The following DYNC1LI2 variants were observed in gnomAD, a reference collection of about 807,000 sequenced individuals.
The protein encoded by DYNC1LI2 is cytoplasmic dynein 1 light intermediate chain 2.
Under a neutral mutation model 57.8 loss-of-function variants are expected in DYNC1LI2, and 19 were observed. The ratio of observed to expected loss-of-function variants is 0.33; its 90% CI spans 0.23 to 0.48. The LOEUF is 0.48. Among genes scored for constraint, DYNC1LI2 ranks in the 20% least tolerant of loss-of-function variants. The pLI, the probability that DYNC1LI2 is intolerant of heterozygous loss-of-function variation, is 0.99. For missense variants in DYNC1LI2, 470 were observed against 604.2 expected, an observed-to-expected ratio of 0.78 and a Z score of 2.33; for synonymous variants, 256 against 233.4, an observed-to-expected ratio of 1.10 and a Z score of -0.88.
intron 12 of DYNC1LI2, among the ~76,000 whole-genome samples, chr16:66,724,379 ATAC>A (rs2017500542): frequency 6.6e-6 from 1 of 152,186 alleles, no homozygotes; most frequent in Non-Finnish European, 1.5e-5. Context: ...CCAGAAGGGA[ATAC>A]TACCAGCCCA....
At chr16:66,736,291 A>T in intron 4 of DYNC1LI2, 47 bp from the exon 5 acceptor site, 1 of 1,597,882 alleles carries the variant, frequency 6.3e-7, no homozygotes, top group South Asian at 1.1e-5. Flanking sequence ...AAATAAAAAT[A>T]CATGTTAGCT....
chr16:66,743,959 T>C (rs2017889200), intron 3 of DYNC1LI2, among the ~76,000 whole-genome samples: 4 of 152,208 alleles, frequency 2.6e-5, no homozygotes, highest in Admixed American at 6.5e-5. Flanking sequence ...GCAGTATACA[T>C]AGATAAAATT....
Position 66,723,686 on chromosome 16 carries a change from A to G in DYNC1LI2, c.*36T>C. ...TCTTAGCAGATCAATATACATAGTT[A>G]TTTGGTCATTCGACATATGCACTTT... On this transcript the variant is annotated 3_prime_UTR_variant, in exon 13 of 13. Coordinates refer to ENST00000258198, the MANE Select transcript of DYNC1LI2 (RefSeq NM_006141.3). The G allele has an allele frequency of 6.4e-7, 1 of 1,574,512 alleles. No homozygotes were observed. The highest frequency in any genetic ancestry group is 8.6e-7 in the Non-Finnish European group (1 of 1,159,716).
Position 66,751,376 on chromosome 16 carries a change from C to G in DYNC1LI2, c.108-30G>C, listed in dbSNP as rs1304792627. On this transcript the variant is annotated intron_variant, in intron 1 of 12. Transcript: ENST00000258198. The surrounding 1 kb of genome is among the most constrained non-coding windows in gnomAD (Gnocchi z 5.2). Reference sequence around the variant, plus strand: ...GGCGACAATGGCAAGAGTGGTCAGCCCCGGGCCGGGCTGGGATGGCCCGGC... The same window carrying G: ...GGCGACAATGGCAAGAGTGGTCAGCGCCGGGCCGGGCTGGGATGGCCCGGC... The G allele has an allele frequency of 6.2e-7, 1 of 1,606,802 alleles. No individual in the cohort carries two copies. The highest frequency in any genetic ancestry group is 8.5e-7 in the Non-Finnish European group (1 of 1,177,294).
rs144314970 is a variant in DYNC1LI2, at chr16:66,749,888, A to G, written c.182-575T>C. Among the ~76,000 whole-genome samples, 58 of 152,350 alleles carry G rather than the reference A, an allele frequency of 3.8e-4. 1 individual carries two copies. The highest frequency in any genetic ancestry group is 3.7e-3 in the Admixed American group (57 of 15,300). ...CTCTTCAGTACAATCTCAGTTAATTATTAAGCACTTCTTCATCTCCCTCCA... is the reference window on the plus strand; with the variant it reads ...CTCTTCAGTACAATCTCAGTTAATTGTTAAGCACTTCTTCATCTCCCTCCA... On this transcript the variant is annotated intron_variant, in intron 2 of 12. Coordinates refer to ENST00000258198, the MANE Select transcript of DYNC1LI2 (RefSeq NM_006141.3).
intron 7 of DYNC1LI2, 100 bp from the exon 8 acceptor site, chr16:66,730,323 G>A: frequency 2.1e-6 from 2 of 968,434 alleles, no homozygotes; most frequent in Middle Eastern, 4.5e-4. Context: ...CTTCTCACAA[G>A]ATATAGTGTG....
intron 8 of DYNC1LI2, among the ~76,000 whole-genome samples, 177 bp downstream of exon 8, chr16:66,729,935 C>T (rs542599158): frequency 1.4e-4 from 22 of 152,224 alleles, no homozygotes; most frequent in African/African-American, 4.6e-4. Context: ...GCGCTTGCCA[C>T]CATACCCAGC....
At position 66,723,641 on chromosome 16, in the gene DYNC1LI2, C is replaced by T. The variant is rs1283342863; in HGVS notation, c.*81G>A. On this transcript the variant is annotated 3_prime_UTR_variant, in exon 13 of 13. Coordinates refer to ENST00000258198, the MANE Select transcript of DYNC1LI2 (RefSeq NM_006141.3). Reference sequence around the variant, plus strand: ...TGCCCCAAAAAACTGATAGCATGTGCCATATCAGAAAAATCCTGGTCTTAG... The same window carrying T: ...TGCCCCAAAAAACTGATAGCATGTGTCATATCAGAAAAATCCTGGTCTTAG... The T allele has an allele frequency of 1.6e-6, 2 of 1,260,596 alleles. No homozygotes were observed. The highest frequency in any genetic ancestry group is 2.2e-6 in the Non-Finnish European group (2 of 904,234). The allele number at this position is 1,260,596 out of a possible 1,614,324, so 78.1% of individuals were successfully genotyped here.
Position 66,742,469 on chromosome 16 carries a change from T to A in DYNC1LI2, c.498A>T (p.Pro166=). 6.2e-7 allele frequency: 1 copy of A among 1,614,012 alleles called. No homozygotes were observed. The highest frequency in any genetic ancestry group is 8.5e-7 in the Non-Finnish European group (1 of 1,179,916). The change falls in exon 4 of 13, where the codon CCA becomes CCT. Residue 166 remains proline (P), a synonymous_variant. Transcript: ENST00000258198. ...GTTCCAGCTCCCTCATTTTTTCTGG[T>A]GGAATTTTCATTTTATCAATGTGCT... The part of the protein sequence containing the change: ...LREHIDKMKI[P]PEKMRELERK...
chr16:66,730,334 T>C, intron 7 of DYNC1LI2, 111 bp from the exon 8 acceptor site: 1 of 886,618 alleles, frequency 1.1e-6, no homozygotes, highest in Non-Finnish European at 1.7e-6. Flanking sequence ...ATATAGTGTG[T>C]AGTTGTTGGG....
intron 4 of DYNC1LI2, among the ~76,000 whole-genome samples, chr16:66,737,627 C>T (rs1033952455): frequency 2.6e-5 from 4 of 152,154 alleles, no homozygotes; most frequent in Admixed American, 6.5e-5. Context: ...CCTTATTATC[C>T]TCACTCTTGT....
rs2018053741 is a variant in DYNC1LI2, at chr16:66,751,497, C to A, written c.95G>T (p.Gly32Val). Residue 32 changes from glycine to valine, a missense_variant, in exon 1 of 13, where the codon GGC (glycine) becomes GTC (valine). By Grantham distance (109) the Gly-to-Val change is moderately radical. Transcript: ENST00000258198. This position sits in a 1 kb window ranked among gnomAD's most constrained non-coding sequence, Gnocchi z 5.2. ...CCCGCGGCCTCACCATAGGCTCTGG[C>A]CTTCCTCCTCCTCACTGGTCAGGTC... is the stretch of plus-strand genomic sequence containing the variant. ...AGDLTSEEEEGQSLWSSILSE... is the reference protein window; with the variant it reads ...AGDLTSEEEEVQSLWSSILSE... 6.3e-7 allele frequency: 1 copy of A among 1,589,594 alleles called. No individual in the cohort carries two copies. Among genetic ancestry groups the A allele is most frequent in the Non-Finnish European group, 8.5e-7 (1 of 1,170,624 alleles).
At chr16:66,739,111 A>G (rs2017792022) in intron 4 of DYNC1LI2, 1 of 152,196 alleles carries the variant, frequency 6.6e-6, no homozygotes, top group Admixed American at 6.5e-5. Context: ...AAAATATACA[A>G]TGGCTTAACT....
intron 8 of DYNC1LI2, among the ~76,000 whole-genome samples, chr16:66,729,631 C>T (rs1464962113): frequency 7.5e-6 from 1 of 133,938 alleles, no homozygotes; most frequent in Non-Finnish European, 1.5e-5. Flanking sequence ...GGCTGGAGTA[C>T]AGTGGCCCGA....
intron 6 of DYNC1LI2, 87 bp from the exon 7 acceptor site, chr16:66,732,561 G>A: frequency 7.0e-7 from 1 of 1,438,586 alleles, no homozygotes; most frequent in African/African-American, 1.4e-5. Context: ...CTCATAGGTT[G>A]ATCAGTTTTT....
Position 66,736,120 on chromosome 16 carries a change from C to T in DYNC1LI2, c.654G>A (p.Val218=), listed in dbSNP as rs374964230. The change falls in exon 5 of 13, where the codon GTG becomes GTA. Residue 218 remains valine (V), a synonymous_variant. Transcript: ENST00000258198. ...CCGGGATCCCCAGGTTATGAGTCAG[C>T]ACATTGTCACCCAGAGGCAGGGCAA... is the stretch of plus-strand genomic sequence containing the variant. ...ENVALPLGDN[V]LTHNLGIPVL... The T allele has an allele frequency of 2.1e-4, 339 of 1,613,976 alleles. No homozygotes were observed. The highest frequency in any genetic ancestry group is 2.8e-4 in the Non-Finnish European group (327 of 1,180,054).
intron 12 of DYNC1LI2, 107 bp downstream of exon 12, chr16:66,725,721 C>G (rs562630764): frequency 9.1e-7 from 1 of 1,100,694 alleles, no homozygotes; most frequent in Non-Finnish European, 1.3e-6. Context: ...TGCTTCCTTG[C>G]TTGGCTATTC....
At chr16:66,725,799 A>G in intron 12 of DYNC1LI2, 29 bp downstream of exon 12, 1 of 1,604,764 alleles carries the variant, frequency 6.2e-7, no homozygotes, top group East Asian at 2.2e-5. Flanking sequence ...CAACCACAAG[A>G]GTCACAAGTC....
At chr16:66,734,057 TA>T (rs2017685858) in intron 6 of DYNC1LI2, 160 bp downstream of exon 6, 1 of 597,212 alleles carries the variant, frequency 1.7e-6, no homozygotes, top group African/African-American at 1.9e-5. Context: ...TTAATAAACC[TA>T]AAACTCCGAT....
Sources: allele counts gnomAD v4.1 joint callset (sites outside exome capture counted in the v4.1 genomes callset), GRCh38; gene constraint gnomAD v4.1.1; non-coding constraint Gnocchi (gnomAD v3.1); transcripts MANE v1.5; gene names NCBI Gene and HGNC (gene_info 2026-07-23, HGNC 2026-07-21).